Variants in ZNF778 observed in about 807,000 individuals in gnomAD.
The protein encoded by ZNF778 is zinc finger protein 778.
In ZNF778, 37 loss-of-function variants were observed where a neutral mutation model predicts 23.9. The observed-to-expected ratio is 1.54, with a 90% CI of 1.19 to 2.03. ZNF778 has a LOEUF of 2.03. Among genes scored for constraint, ZNF778 ranks in the 30% most tolerant of loss-of-function variants. The pLI is 0.00. For synonymous variants in ZNF778, 483 were observed against 343.9 expected, an observed-to-expected ratio of 1.40 and a Z score of -4.48; for missense variants, 1,297 against 934.4, an observed-to-expected ratio of 1.39 and a Z score of -5.06.
rs2032121020 is a variant in ZNF778, at chr16:89,233,645, C to T, written c.*5083C>T. 7.8e-7 allele frequency: 1 copy of T among 1,282,114 alleles called. No individual in the cohort carries two copies. Among genetic ancestry groups the T allele is most frequent in the Middle Eastern group, 2.1e-4 (1 of 4,692 alleles). 79.4% of individuals were successfully genotyped at this position (1,282,114 alleles called of 1,614,324 possible). ...CTCACACTGTATGCAACTCAGCTCGCTCTGCATATGCAATTCAACTCGCAC... is the reference window on the plus strand; with the variant it reads ...CTCACACTGTATGCAACTCAGCTCGTTCTGCATATGCAATTCAACTCGCAC... On this transcript the variant is annotated 3_prime_UTR_variant, in exon 7 of 7. Transcript: ENST00000433976.
chr16:89,224,785 G>A lies in ZNF778; in HGVS notation c.311G>A (p.Arg104Gln), dbSNP rs1217251060. ...LEQEEELRAG[R>Q]RAVLQEWRLK... ...CAGGAAGAGGAGTTGAGGGCAGGGCGGAGAGCAGTTCTCCAAGGTAAGTGT... is the reference window on the plus strand; with the variant it reads ...CAGGAAGAGGAGTTGAGGGCAGGGCAGAGAGCAGTTCTCCAAGGTAAGTGT... Residue 104 changes from arginine to glutamine, a missense_variant, in exon 5 of 7, where the codon CGG becomes CAG. By Grantham distance (43) the Arg-to-Gln change is conservative (BLOSUM62 1). Coordinates refer to ENST00000433976, the MANE Select transcript of ZNF778 (RefSeq NM_001201407.2). 1.5e-5 allele frequency: 23 copies of A among 1,488,972 alleles called. No individual in the cohort carries two copies. The highest frequency in any genetic ancestry group is 7.7e-5 in the East Asian group (3 of 39,016). 92.2% of individuals were successfully genotyped at this position (1,488,972 alleles called of 1,614,324 possible).
chr16:89,222,632 G>A (rs2151630661), intron 3 of ZNF778, among the ~76,000 whole-genome samples: 1 of 152,330 alleles, frequency 6.6e-6, no homozygotes, highest in Non-Finnish European at 1.5e-5. Flanking sequence ...CCAAAGGGCT[G>A]GGATTACAGG....
Position 89,234,628 on chromosome 16 carries a change from A to G in ZNF778, c.*6066A>G, listed in dbSNP as rs2032186224. On this transcript the variant is annotated 3_prime_UTR_variant, in exon 7 of 7. Transcript: ENST00000433976. Reference sequence around the variant, plus strand: ...ACTTTTGTGATGATGCCTTAAGGAAAAAGATTGTGCCAGGTGTGGTGGCTC... The same window carrying G: ...ACTTTTGTGATGATGCCTTAAGGAAGAAGATTGTGCCAGGTGTGGTGGCTC... 6.3e-6 allele frequency: 1 copy of G among 158,500 alleles called. No homozygotes were observed. The highest frequency in any genetic ancestry group is 2.4e-5 in the African/African-American group (1 of 41,474). The allele number at this position is 158,500 out of a possible 1,614,324, so 9.8% of individuals were successfully genotyped here.
rs796309190 is a variant in ZNF778 at position 89,221,698 on chromosome 16, T to C, written c.26-394T>C. On this transcript the variant is annotated intron_variant, in intron 2 of 6. Transcript: ENST00000433976. Reference sequence around the variant, plus strand: ...CTGAGGCAGTTTATGGCTGTATGTGTGTGTTTTCCTGAGGCACTGTATGGC... The same window carrying C: ...CTGAGGCAGTTTATGGCTGTATGTGCGTGTTTTCCTGAGGCACTGTATGGC... Among the ~76,000 whole-genome samples, 25 of 151,862 alleles carry C rather than the reference T, an allele frequency of 1.6e-4. 1 individual carries two copies. The highest frequency in any genetic ancestry group is 6.0e-4 in the African/African-American group (25 of 41,396).
chr16:89,229,319 C>G lies in ZNF778; in HGVS notation c.*757C>G, dbSNP rs1485977297. Reference sequence around the variant, plus strand: ...GATGTGATTCTGTGAGCAGTGTAAGCTCTGGTTGGTTAGTCTTCAGGATCC... The same window carrying G: ...GATGTGATTCTGTGAGCAGTGTAAGGTCTGGTTGGTTAGTCTTCAGGATCC... On this transcript the variant is annotated 3_prime_UTR_variant, in exon 7 of 7. Transcript: ENST00000433976. The G allele has an allele frequency of 1.0e-6, 1 of 980,738 alleles. No homozygotes were observed. The highest frequency in any genetic ancestry group is 4.7e-5 in the South Asian group (1 of 21,134). The allele number at this position is 980,738 out of a possible 1,614,324, so 60.8% of individuals were successfully genotyped here. A position where few individuals can be genotyped will look rare whatever the true frequency, so the allele number is the denominator to read the frequency against.
Position 89,228,270 on chromosome 16 carries a change from T to A in ZNF778, c.1982T>A (p.Ile661Asn). 6.2e-7 allele frequency: 1 copy of A among 1,605,418 alleles called. No homozygotes were observed. Among genetic ancestry groups the A allele is most frequent in the Non-Finnish European group, 8.5e-7 (1 of 1,173,186 alleles). Residue 661 changes from isoleucine to asparagine, a missense_variant, in exon 7 of 7, where the codon ATC becomes AAC. By Grantham distance (149) the Ile-to-Asn change is moderately radical. Transcript: ENST00000433976. ...GCCTTTGCTTCCTCCTCACACCTTA[T>A]CGAACACAGAAGGACTCACACAGGA... ...GKAFASSSHL[I>N]EHRRTHTGEK... is the part of the protein sequence containing the mutation.
In ZNF778 at chr16:89,226,100, C is replaced by T. The variant is rs113922979; in HGVS notation, c.405+469C>T. ...CTAATTTGTGTATTTTTAGTAGAGA[C>T]GGGGTTTCACCATGTTGGCCAGGAT... On this transcript the variant is annotated intron_variant, in intron 6 of 6. Transcript: ENST00000433976. 8.5e-4 allele frequency among the ~76,000 whole-genome samples: 129 copies of T among 151,440 alleles called. 1 individual carries two copies. Among genetic ancestry groups the T allele is most frequent in the African/African-American group, 2.9e-3 (120 of 41,254 alleles).
intron 4 of ZNF778, 75 bp from the exon 5 acceptor site, chr16:89,224,644 T>C: frequency 9.6e-7 from 1 of 1,045,400 alleles, no homozygotes; most frequent in Non-Finnish European, 1.4e-6. Flanking sequence ...AAAGGAAATG[T>C]AGTTCCTGTT....
chr16:89,219,163 A>G (rs2030668283), intron 1 of ZNF778, among the ~76,000 whole-genome samples: 1 of 151,232 alleles, frequency 6.6e-6, no homozygotes, highest in Non-Finnish European at 1.5e-5. Context: ...TACTTTGTGT[A>G]ATATCTAGGA....
Position 89,228,458 on chromosome 16 carries a change from A to G in ZNF778, c.2170A>G (p.Thr724Ala), listed in dbSNP as rs936476113. 1 of 1,613,886 alleles carries G rather than the reference A, an allele frequency of 6.2e-7. No homozygotes were observed. The change falls in exon 7 of 7, where the codon ACT becomes GCT. Residue 724 changes from threonine to alanine, a missense_variant. Coordinates refer to ENST00000433976, the MANE Select transcript of ZNF778 (RefSeq NM_001201407.2). The part of the protein sequence containing the change: ...YLLKEHLKTY[T>A]EEQVFVCKDC... Reference sequence around the variant, plus strand: ...ACTAAAAGAACATTTAAAAACTTACACTGAAGAGCAGGTTTTTGTATGTAA... The same window carrying G: ...ACTAAAAGAACATTTAAAAACTTACGCTGAAGAGCAGGTTTTTGTATGTAA...
At position 89,227,867 on chromosome 16, in the gene ZNF778, C is replaced by T. The variant is rs1470934299; in HGVS notation, c.1579C>T (p.His527Tyr). The T allele has an allele frequency of 2.8e-5, 45 of 1,613,004 alleles. No homozygotes were observed. The highest frequency in any genetic ancestry group is 3.8e-5 in the Non-Finnish European group (45 of 1,179,696). Residue 527 changes from histidine (H) to tyrosine (Y), a missense_variant, in exon 7 of 7, where the codon CAC becomes TAC. By Grantham distance (83) the His-to-Tyr change is moderately conservative. Transcript: ENST00000433976. ...AGGCCTCACTAAACACATGCGGACA[C>T]ACACCGGGGAGAAGCCCTATGAATG... ...RSGLTKHMRTHTGEKPYECKD... is the reference protein window; with the variant it reads ...RSGLTKHMRTYTGEKPYECKD...
chr16:89,228,487 C>G lies in ZNF778; in HGVS notation c.2199C>G (p.Asp733Glu). The change falls in exon 7 of 7, where the codon GAC becomes GAG. Residue 733 changes from aspartate (D) to glutamate (E), a missense_variant. By Grantham distance (45) the Asp-to-Glu change is conservative. Transcript: ENST00000433976. ...YTEEQVFVCK[D>E]CGKSFKNSSC... is the part of the protein sequence containing the mutation. ...AAGAGCAGGTTTTTGTATGTAAGGA[C>G]TGTGGAAAATCTTTTAAGAATTCCT... 6.2e-7 allele frequency: 1 copy of G among 1,610,866 alleles called. No individual in the cohort carries two copies. The highest frequency in any genetic ancestry group is 8.5e-7 in the Non-Finnish European group (1 of 1,179,060).
At chr16:89,220,486 C>T (rs1239668168) in intron 1 of ZNF778, among the ~76,000 whole-genome samples, 3 of 152,064 alleles carry the variant, frequency 2.0e-5, no homozygotes, top group African/African-American at 4.8e-5. Flanking sequence ...TGAAACCCCA[C>T]CTCTACTAAA....
chr16:89,227,050 A>G lies in ZNF778; in HGVS notation c.762A>G (p.Lys254=), dbSNP rs2031537191. ...AGSHNGEETW[K]WKPCGKALTH... is the part of the protein sequence containing the mutation. ...GTCACAACGGAGAAGAAACATGGAAATGGAAGCCGTGTGGGAAAGCTCTAA... is the reference window on the plus strand; with the variant it reads ...GTCACAACGGAGAAGAAACATGGAAGTGGAAGCCGTGTGGGAAAGCTCTAA... Residue 254 remains lysine (K), a synonymous_variant, in exon 7 of 7, where the codon AAA becomes AAG. Coordinates refer to ENST00000433976, the MANE Select transcript of ZNF778 (RefSeq NM_001201407.2). 2.5e-6 allele frequency: 4 copies of G among 1,613,892 alleles called. No individual in the cohort carries two copies. Among genetic ancestry groups the G allele is most frequent in the African/African-American group, 1.3e-5 (1 of 74,936 alleles).
chr16:89,230,487 G>A lies in ZNF778; in HGVS notation c.*1925G>A, dbSNP rs906598924. ...AGCTGCTGTGATCCGGCATTCATGG[G>A]GCAGCTGCTGCGACCCGGCACTCCT... On this transcript the variant is annotated 3_prime_UTR_variant, in exon 7 of 7. Coordinates refer to ENST00000433976, the MANE Select transcript of ZNF778 (RefSeq NM_001201407.2). 6.6e-6 allele frequency: 1 copy of A among 152,192 alleles called. No homozygotes were observed. Among genetic ancestry groups the A allele is most frequent in the Non-Finnish European group, 1.5e-5 (1 of 68,072 alleles). The allele number at this position is 152,192 out of a possible 1,614,324, so 9.4% of individuals were successfully genotyped here.
rs767529015 is a variant in ZNF778 at position 89,226,777 on chromosome 16, C to T, written c.489C>T (p.His163=). The T allele has an allele frequency of 3.5e-5, 56 of 1,613,844 alleles. No homozygotes were observed. Among genetic ancestry groups the T allele is most frequent in the African/African-American group, 5.3e-5 (4 of 74,906 alleles). ...AFSEHSGLST[H]VRTQNTGDSC... ...GTGAACACTCAGGCCTCAGCACACA[C>T]GTGAGAACTCAAAATACAGGAGACA... The change falls in exon 7 of 7, where the codon CAC becomes CAT. Residue 163 remains histidine, a synonymous_variant. Coordinates refer to ENST00000433976, the MANE Select transcript of ZNF778 (RefSeq NM_001201407.2).
chr16:89,234,330 A>C lies in ZNF778; in HGVS notation c.*5768A>C. 6.3e-6 allele frequency: 2 copies of C among 315,982 alleles called. No homozygotes were observed. The highest frequency in any genetic ancestry group is 1.2e-5 in the Non-Finnish European group (2 of 160,840). 19.6% of individuals were successfully genotyped at this position (315,982 alleles called of 1,614,324 possible). ...CTGGGCAGTTTTATTCTTTCTCTCT[A>C]CTCGTTCAACCTTCTTAGGGAGTGA... On this transcript the variant is annotated 3_prime_UTR_variant, in exon 7 of 7. Transcript: ENST00000433976.
At chr16:89,223,742 T>C (rs1450682810) in intron 4 of ZNF778, among the ~76,000 whole-genome samples, 1 of 152,218 alleles carries the variant, frequency 6.6e-6, no homozygotes, top group African/African-American at 2.4e-5. Flanking sequence ...ATAACCAGTT[T>C]CTTTGGGGCG....
intron 5 of ZNF778, among the ~76,000 whole-genome samples, chr16:89,225,075 A>G (rs540627555): frequency 2.5e-4 from 35 of 142,642 alleles, no homozygotes; most frequent in African/African-American, 6.4e-4. Flanking sequence ...TTGTGATCTC[A>G]TAAAAAACCT....
Sources: allele counts gnomAD v4.1 joint callset (sites outside exome capture counted in the v4.1 genomes callset), GRCh38; gene constraint gnomAD v4.1.1; transcripts MANE v1.5; gene names NCBI Gene and HGNC (gene_info 2026-07-23, HGNC 2026-07-21).